CLK2: variants seen among roughly 807,000 people sequenced by gnomAD.
The protein encoded by CLK2 is CDC like kinase 2.
CLK2 carries 12 observed loss-of-function variants against 73.5 expected under a neutral mutation model. The observed-to-expected ratio is 0.16, with a 90% CI of 0.10 to 0.26. The LOEUF (loss-of-function observed/expected upper bound fraction) is 0.26. Among genes scored for constraint, CLK2 ranks in the 10% least tolerant of loss-of-function variants. CLK2 has a pLI of 1.00. For synonymous variants in CLK2, 232 were observed against 237.9 expected, an observed-to-expected ratio of 0.98 and a Z score of 0.23; for missense variants, 509 against 688.4, an observed-to-expected ratio of 0.74 and a Z score of 2.92.
chr1:155,263,932 A>G lies in CLK2; in HGVS notation c.1317+18T>C. The G allele has an allele frequency of 1.2e-6, 2 of 1,612,152 alleles. No individual in the cohort carries two copies. Among genetic ancestry groups the G allele is most frequent in the South Asian group, 2.2e-5 (2 of 91,018 alleles). On this transcript the variant is annotated intron_variant, in intron 12 of 12. Coordinates refer to ENST00000368361, the MANE Select transcript of CLK2 (RefSeq NM_001294338.2). ...GACTTCTGGACGGTGGGCACTATTT[A>G]TCCCGAGCCCAGCTCACCCGCAGCG... is the stretch of plus-strand genomic sequence containing the variant.
chr1:155,266,631 C>A, intron 7 of CLK2, 98 bp downstream of exon 7: 1 of 1,293,166 alleles, frequency 7.7e-7, no homozygotes, highest in Non-Finnish European at 1.1e-6. Flanking sequence ...AGATAACAGA[C>A]AGCTGACTGT....
At position 155,268,864 on chromosome 1, in the gene CLK2, G is replaced by GT; in HGVS notation, c.400-70dup. On this transcript the variant is annotated intron_variant, in intron 3 of 12. Transcript: ENST00000368361. The surrounding 1 kb of genome is among the most constrained non-coding windows in gnomAD (Gnocchi z 5.6). ...CGGGGGCCGGAGGGAGGCGGGGTGGGTGGTAGAGGGGTCACCGGTCACAGG... is the reference window on the plus strand; with the variant it reads ...CGGGGGCCGGAGGGAGGCGGGGTGGGTTGGTAGAGGGGTCACCGGTCACAGG... The GT allele has an allele frequency of 1.1e-6, 1 of 880,164 alleles. No individual in the cohort carries two copies. Among genetic ancestry groups the GT allele is most frequent in the Non-Finnish European group, 1.8e-6 (1 of 544,150 alleles). 54.5% of individuals were successfully genotyped at this position (880,164 alleles called of 1,614,324 possible). A position where few individuals can be genotyped will look rare whatever the true frequency, so the allele number is the denominator to read the frequency against.
rs367780359 is a variant in CLK2, at chr1:155,270,911, G to A, written c.67C>T (p.Arg23Trp). Residue 23 changes from arginine (R) to tryptophan (W), a missense_variant, in exon 2 of 13, where the codon CGG (arginine) becomes TGG (tryptophan). Arg to Trp is a moderately radical substitution (Grantham distance 101). Around this residue, in one of 6 missense-constraint regions of CLK2, gnomAD observed 222 missense variants for 221.7 expected, o/e 1.00. Transcript: ENST00000368361. ...CTTCGTCGCTTATGCTTTCGGCTCC[G>A]ATAGTGTTCACGGTAACTCCCCCGG... ...GSRGSYREHY[R>W]SRKHKRRRSR... The A allele has an allele frequency of 2.4e-5, 38 of 1,614,060 alleles. No homozygotes were observed. The African/African-American group carries it at 2.8e-4, about 12-fold the overall frequency.
Position 155,268,629 on chromosome 1 carries a change from G to C in CLK2, c.487+79C>G. 1 of 1,317,542 alleles carries C rather than the reference G, an allele frequency of 7.6e-7. No individual in the cohort carries two copies. 81.6% of individuals were successfully genotyped at this position (1,317,542 alleles called of 1,614,324 possible). On this transcript the variant is annotated intron_variant, in intron 4 of 12. Coordinates refer to ENST00000368361, the MANE Select transcript of CLK2 (RefSeq NM_001294338.2). The surrounding 1 kb of genome is among the most constrained non-coding windows in gnomAD (Gnocchi z 5.6). ...CACCACTGAGAAAAGGCAAGAGGCT[G>C]TGACTCAGGTTGGCTTGGGACGTTA... is the stretch of plus-strand genomic sequence containing the variant.
intron 12 of CLK2, 80 bp from the exon 13 acceptor site, chr1:155,263,480 T>G (rs1673083372): frequency 6.4e-7 from 1 of 1,552,296 alleles, no homozygotes; most frequent in Non-Finnish European, 8.7e-7. Context: ...CTTTCATTCT[T>G]GGAGAACCAA....
At chr1:155,270,776 C>T in intron 2 of CLK2, 32 bp downstream of exon 2, 1 of 1,589,312 alleles carries the variant, frequency 6.3e-7, no homozygotes, top group Non-Finnish European at 8.6e-7. Flanking sequence ...GCGAGTGACC[C>T]TGTGTTTGAG....
chr1:155,265,566 C>T (rs1048737304), intron 8 of CLK2, among the ~76,000 whole-genome samples: 2 of 106,410 alleles, frequency 1.9e-5, no homozygotes, highest in African/African-American at 3.4e-5. Flanking sequence ...GACTCTGTCT[C>T]AAATAAATAA....
intron 3 of CLK2, 135 bp downstream of exon 3, chr1:155,269,353 A>T (rs768386739): frequency 1.1e-5 from 8 of 760,588 alleles, no homozygotes; most frequent in Non-Finnish European, 1.7e-5. Flanking sequence ...GCTTCCAAGA[A>T]AGTAGGCAAA....
At position 155,263,375 on chromosome 1, in the gene CLK2, T is replaced by A. The variant is rs1673072742; in HGVS notation, c.1343A>T (p.Glu448Val). Residue 448 changes from glutamate to valine, a missense_variant, in exon 13 of 13, where the codon GAA (glutamate) becomes GTA (valine). By Grantham distance (121) the Glu-to-Val change is moderately radical. Transcript: ENST00000368361. ...LRRYLTSEAE[E>V]HHQLFDLIES... ...AATCAGATCGAAGAGCTGGTGGTGT[T>A]CCTCTGCCTCTGAGGTCAGATACCG... The A allele has an allele frequency of 1.2e-6, 2 of 1,614,154 alleles. No individual in the cohort carries two copies. The highest frequency in any genetic ancestry group is 2.2e-5 in the East Asian group (1 of 44,886).
In CLK2 at chr1:155,268,865, T is replaced by TGGGG; in HGVS notation, c.400-71_400-70insCCCC. ...GGGGGCCGGAGGGAGGCGGGGTGGGTGGTAGAGGGGTCACCGGTCACAGGC... is the reference window on the plus strand; with the variant it reads ...GGGGGCCGGAGGGAGGCGGGGTGGGTGGGGGGTAGAGGGGTCACCGGTCACAGGC... On this transcript the variant is annotated intron_variant, in intron 3 of 12. Coordinates refer to ENST00000368361, the MANE Select transcript of CLK2 (RefSeq NM_001294338.2). The surrounding 1 kb of genome is among the most constrained non-coding windows in gnomAD (Gnocchi z 5.6). The TGGGG allele has an allele frequency of 2.1e-6, 1 of 479,248 alleles. No individual in the cohort carries two copies. Among genetic ancestry groups the TGGGG allele is most frequent in the Non-Finnish European group, 3.5e-6 (1 of 284,760 alleles). The allele number at this position is 479,248 out of a possible 1,614,324, so 29.7% of individuals were successfully genotyped here.
chr1:155,263,713 AGAATCCAG>A (rs1001517739), intron 12 of CLK2: 1 of 985,326 alleles, frequency 1.0e-6, no homozygotes, highest in African/African-American at 1.7e-5. Flanking sequence ...TCTGACCTAA[AGAATCCAG>A]GACATTGCTT....
At position 155,267,871 on chromosome 1, in the gene CLK2, A is replaced by G. The variant is rs184199894; in HGVS notation, c.671+139T>C. ...CCCCCCTTTCCTACCCTGATGTTCT[A>G]CTACTCTAAGATGATGAACAAAAGA... is the stretch of plus-strand genomic sequence containing the variant. On this transcript the variant is annotated intron_variant, in intron 6 of 12. Coordinates refer to ENST00000368361, the MANE Select transcript of CLK2 (RefSeq NM_001294338.2). 4.1e-5 allele frequency: 28 copies of G among 678,666 alleles called. 1 individual carries two copies. In the East Asian group the frequency reaches 6.2e-4, roughly 15 times the overall value. 42.0% of individuals were successfully genotyped at this position (678,666 alleles called of 1,614,324 possible).
Position 155,264,808 on chromosome 1 carries a change from C to T in CLK2, c.934-34G>A, listed in dbSNP as rs773256594. 6.8e-6 allele frequency: 11 copies of T among 1,609,700 alleles called. No homozygotes were observed. In the Admixed American group the frequency reaches 8.4e-5, roughly 12 times the overall value. On this transcript the variant is annotated intron_variant, in intron 8 of 12. Coordinates refer to ENST00000368361, the MANE Select transcript of CLK2 (RefSeq NM_001294338.2). ...AGAGGAGAAAGAGGATGAACCTCTG[C>T]ACCCAGACTGAGATTCCACCAGTAT...
Position 155,263,281 on chromosome 1 carries a change from G to T in CLK2, c.1437C>A (p.Phe479Leu). 1.2e-6 allele frequency: 2 copies of T among 1,614,162 alleles called. No individual in the cohort carries two copies. The highest frequency in any genetic ancestry group is 4.5e-5 in the East Asian group (2 of 44,890). Reference sequence around the variant, plus strand: ...TGGGCGGCTCAGCCCGAAGGCGGGCGAAGAAAGGATGCTGAAGGGCTTCAC... The same window carrying T: ...TGGGCGGCTCAGCCCGAAGGCGGGCTAAGAAAGGATGCTGAAGGGCTTCAC... ...TLGEALQHPF[F>L]ARLRAEPPNK... is the part of the protein sequence containing the mutation. Residue 479 changes from phenylalanine to leucine, a missense_variant, in exon 13 of 13, where the codon TTC becomes TTA. Coordinates refer to ENST00000368361, the MANE Select transcript of CLK2 (RefSeq NM_001294338.2).
chr1:155,269,422 C>T, intron 3 of CLK2, 66 bp downstream of exon 3: 1 of 1,384,186 alleles, frequency 7.2e-7, no homozygotes. Context: ...GGATACTGCT[C>T]ACTTACCAGA....
chr1:155,272,974 C>G (rs1673581221), intron 1 of CLK2, among the ~76,000 whole-genome samples: 1 of 152,162 alleles, frequency 6.6e-6, no homozygotes, highest in Non-Finnish European at 1.5e-5. Flanking sequence ...CATCCTTACT[C>G]TATCATCCCT....
At position 155,266,874 on chromosome 1, in the gene CLK2, G is replaced by A; in HGVS notation, c.693C>T (p.Asp231=). The change falls in exon 7 of 13, where the codon GAC becomes GAT. Residue 231 remains aspartate (D), a synonymous_variant. Coordinates refer to ENST00000368361, the MANE Select transcript of CLK2 (RefSeq NM_001294338.2). ...DNKNLCVQMF[D]WFDYHGHMCI... is the part of the protein sequence containing the mutation. Reference sequence around the variant, plus strand: ...ACATGTGGCCATGGTAGTCAAACCAGTCAAACATCTGGACACAGAGGCTGA... The same window carrying A: ...ACATGTGGCCATGGTAGTCAAACCAATCAAACATCTGGACACAGAGGCTGA... 1 of 1,613,624 alleles carries A rather than the reference G, an allele frequency of 6.2e-7. No homozygotes were observed. The highest frequency in any genetic ancestry group is 1.1e-5 in the South Asian group (1 of 90,896).
Position 155,268,770 on chromosome 1 carries a change from C to A in CLK2, c.425G>T (p.Ser142Ile). The A allele has an allele frequency of 1.2e-6, 2 of 1,613,240 alleles. No homozygotes were observed. The highest frequency in any genetic ancestry group is 1.7e-6 in the Non-Finnish European group (2 of 1,179,876). The change falls in exon 4 of 13, where the codon AGT (serine) becomes ATT (isoleucine). Residue 142 changes from serine to isoleucine, a missense_variant. Ser to Ile is a moderately radical substitution (Grantham distance 142). Transcript: ENST00000368361. This position sits in a 1 kb window ranked among gnomAD's most constrained non-coding sequence, Gnocchi z 5.6. ...SSQHSSRRAKSVEDDAEGHLI... is the reference protein window; with the variant it reads ...SSQHSSRRAKIVEDDAEGHLI... ...GTGGCCCTCAGCGTCGTCCTCTACA[C>A]TCTTGGCTCTCCGGCTGCTGTGCTG... is the stretch of plus-strand genomic sequence containing the variant.
At position 155,268,858 on chromosome 1, in the gene CLK2, G is replaced by T. The variant is rs1673354841; in HGVS notation, c.400-63C>A. 3 of 995,832 alleles carry T rather than the reference G, an allele frequency of 3.0e-6. No individual in the cohort carries two copies. The highest frequency in any genetic ancestry group is 1.3e-5 in the South Asian group (1 of 77,262). The allele number at this position is 995,832 out of a possible 1,614,324, so 61.7% of individuals were successfully genotyped here. ...TCGGAGCGGGGGCCGGAGGGAGGCG[G>T]GGTGGGTGGTAGAGGGGTCACCGGT... On this transcript the variant is annotated intron_variant, in intron 3 of 12. Coordinates refer to ENST00000368361, the MANE Select transcript of CLK2 (RefSeq NM_001294338.2). The surrounding 1 kb of genome is among the most constrained non-coding windows in gnomAD (Gnocchi z 5.6).
Sources: gnomAD v4.1 joint callset for allele counts (sites outside exome capture counted in the v4.1 genomes callset) on GRCh38, gnomAD v4.1.1 for gene constraint, gnomAD v4.1.1 regional missense constraint, Gnocchi (gnomAD v3.1) non-coding constraint, MANE v1.5 for transcripts, NCBI Gene and HGNC (gene_info 2026-07-23, HGNC 2026-07-21) for gene names.